PRSS23: variants seen among roughly 807,000 people sequenced by gnomAD.
PRSS23 encodes the protein protease, serine 23.
Under a neutral mutation model 34.7 loss-of-function variants are expected in PRSS23, and 25 were observed. The ratio of observed to expected loss-of-function variants is 0.72; its 90% CI spans 0.53 to 1.01. The LOEUF is 1.01. PRSS23 is among the 50% of genes least tolerant of loss of function. The pLI, the probability that PRSS23 is intolerant of heterozygous loss-of-function variation, is 0.00. For synonymous variants in PRSS23, 176 were observed against 186.6 expected, an observed-to-expected ratio of 0.94 and a Z score of 0.46; for missense variants, 445 against 475.6, an observed-to-expected ratio of 0.94 and a Z score of 0.60.
chr11:86,792,866 G>A (rs529965270), intron 1 of PRSS23, among the ~76,000 whole-genome samples: 4 of 152,258 alleles, frequency 2.6e-5, no homozygotes, highest in East Asian at 3.9e-4. Context: ...TACGGATGAC[G>A]TTTTTCAAAC....
rs1010472981 is a variant in PRSS23 at position 86,800,642 on chromosome 11, C to T, written c.-23C>T. ...AGCGAGCCGCGGCCCGGGCGGGCTG[C>T]TCGGCGCGGGTGAGTGCGGGCACCG... On this transcript the variant is annotated 5_prime_UTR_variant, in exon 1 of 2. Coordinates refer to ENST00000280258, the MANE Select transcript of PRSS23 (RefSeq NM_007173.6). 4 of 985,096 alleles carry T rather than the reference C, an allele frequency of 4.1e-6. No homozygotes were observed. Among genetic ancestry groups the T allele is most frequent in the Admixed American group, 1.2e-4 (2 of 16,238 alleles). The allele number at this position is 985,096 out of a possible 1,614,324, so 61.0% of individuals were successfully genotyped here.
At chr11:86,849,893 A>C (rs1432342644) in intron 2 of PRSS23, among the ~76,000 whole-genome samples, 2 of 152,124 alleles carry the variant, frequency 1.3e-5, no homozygotes, top group African/African-American at 2.4e-5. Context: ...AGTCCTCCAA[A>C]ACTGAAGAGC....
chr11:86,830,717 A>C (rs893207946), intron 2 of PRSS23, among the ~76,000 whole-genome samples: 1 of 152,156 alleles, frequency 6.6e-6, no homozygotes. Context: ...GTAATATCCT[A>C]GGGAGACATT....
intron 2 of PRSS23, among the ~76,000 whole-genome samples, chr11:86,899,301 A>G (rs188482686): frequency 2.5e-4 from 38 of 152,246 alleles, no homozygotes; most frequent in African/African-American, 8.2e-4. Context: ...GGCAGATTGC[A>G]TAAGCTAAGG....
chr11:86,850,843 C>T (rs1311836521), intron 2 of PRSS23, among the ~76,000 whole-genome samples: 1 of 152,212 alleles, frequency 6.6e-6, no homozygotes, highest in Non-Finnish European at 1.5e-5. Flanking sequence ...TCCTCAAAAT[C>T]TAAGACATGT....
intron 2 of PRSS23, chr11:86,935,935 C>A (rs1198641683): frequency 7.9e-5 from 12 of 152,176 alleles, no homozygotes; most frequent in African/African-American, 2.9e-4. Context: ...AAGATAGCAA[C>A]AGCAAAGCAT....
At chr11:86,811,998 C>T (rs1948182067), downstream of PRSS23, among the ~76,000 whole-genome samples, 1 of 152,122 alleles carries the variant, frequency 6.6e-6, no homozygotes, top group African/African-American at 2.4e-5. Flanking sequence ...TTGTCATGAA[C>T]CAGCTCAGGT....
rs576533415 is a variant in PRSS23, at chr11:86,861,576, C to G, written c.206+37983C>G. On this transcript the variant is annotated intron_variant, in intron 2 of 2. Coordinates refer to the PRSS23 transcript ENST00000533902. ...GATATTACTCCCCATTTGCAGGGGG[C>G]GGACACCCTTCTGTGATATTGTTCG... is the stretch of plus-strand genomic sequence containing the variant. Among the ~76,000 whole-genome samples the G allele has an allele frequency of 2.6e-4, 39 of 151,482 alleles. 1 individual carries two copies. Among genetic ancestry groups the G allele is most frequent in the African/African-American group, 9.2e-4 (38 of 41,228 alleles).
intron 1 of PRSS23, among the ~76,000 whole-genome samples, chr11:86,821,970 G>C (rs1948255803): frequency 6.6e-6 from 1 of 152,188 alleles, no homozygotes; most frequent in Non-Finnish European, 1.5e-5. Flanking sequence ...ATGAAATAAA[G>C]ATGAATACAG....
At chr11:86,882,148 G>C (rs1331378516) in intron 2 of PRSS23, among the ~76,000 whole-genome samples, 2 of 152,122 alleles carry the variant, frequency 1.3e-5, no homozygotes, top group Admixed American at 1.3e-4. Flanking sequence ...CTTGGGATTA[G>C]TTTGCTCTTC....
intron 2 of PRSS23, among the ~76,000 whole-genome samples, chr11:86,912,398 G>T (rs1361147641): frequency 2.0e-5 from 1 of 48,796 alleles, no homozygotes; most frequent in East Asian, 9.9e-4. Context: ...TAGTCTTTGG[G>T]ACTCCAATTG....
chr11:86,927,435 G>A (rs1427872527), intron 2 of PRSS23, among the ~76,000 whole-genome samples: 1 of 152,170 alleles, frequency 6.6e-6, no homozygotes, highest in Non-Finnish European at 1.5e-5. Context: ...AGAATAACTG[G>A]CATCGTGTAA....
rs575080102 is a variant in PRSS23 at position 86,855,590 on chromosome 11, G to C, written c.206+31997G>C. On this transcript the variant is annotated intron_variant, in intron 2 of 2. Transcript: ENST00000533902. Reference sequence around the variant, plus strand: ...GGCTCACTGCAACCTCTGCCTCCTAGTTTCAAGCGATTCTGCTGCCTCAGC... The same window carrying C: ...GGCTCACTGCAACCTCTGCCTCCTACTTTCAAGCGATTCTGCTGCCTCAGC... Among the ~76,000 whole-genome samples, 176 of 152,254 alleles carry C rather than the reference G, an allele frequency of 1.2e-3. 1 individual carries two copies. The highest frequency in any genetic ancestry group is 4.0e-3 in the African/African-American group (167 of 41,550).
intron 1 of PRSS23, among the ~76,000 whole-genome samples, chr11:86,792,977 C>A (rs1947960528): frequency 6.6e-6 from 1 of 152,302 alleles, no homozygotes; most frequent in South Asian, 2.1e-4. Flanking sequence ...GGCTCAAGCC[C>A]CCCAGGTAGC....
chr11:86,869,888 A>C (rs891080693), intron 2 of PRSS23, among the ~76,000 whole-genome samples: 2 of 152,192 alleles, frequency 1.3e-5, no homozygotes, highest in Non-Finnish European at 2.9e-5. Flanking sequence ...TTTGAAACAC[A>C]GTACGTCGTC....
chr11:86,841,558 A>G (rs1948448958), intron 2 of PRSS23, among the ~76,000 whole-genome samples: 1 of 152,156 alleles, frequency 6.6e-6, no homozygotes, highest in Non-Finnish European at 1.5e-5. Flanking sequence ...AAAGAAGAAA[A>G]GAAGAAATAA....
intron 1 of PRSS23, among the ~76,000 whole-genome samples, chr11:86,805,161 G>T (rs957046339): frequency 1.5e-4 from 23 of 152,124 alleles, no homozygotes; most frequent in African/African-American, 5.6e-4. Context: ...GTCACATTTG[G>T]CAGGGATTCT....
At chr11:86,886,439 T>C (rs767642044) in intron 2 of PRSS23, among the ~76,000 whole-genome samples, 1 of 152,218 alleles carries the variant, frequency 6.6e-6, no homozygotes, top group Non-Finnish European at 1.5e-5. Flanking sequence ...CCTGTGAAGT[T>C]GCGTGAAGCC....
intron 2 of PRSS23, among the ~76,000 whole-genome samples, chr11:86,868,422 G>A (rs1381971643): frequency 2.0e-5 from 3 of 152,148 alleles, no homozygotes; most frequent in African/African-American, 7.2e-5. Context: ...GGTTATAAAT[G>A]TTGTTGAAAG....
Sources: gnomAD v4.1 joint callset for allele counts (sites outside exome capture counted in the v4.1 genomes callset) on GRCh38, gnomAD v4.1.1 for gene constraint, MANE v1.5 for transcripts, NCBI Gene and HGNC (gene_info 2026-07-23, HGNC 2026-07-21) for gene names.